The following CNOT1 variants were observed in gnomAD, a reference collection of about 807,000 sequenced individuals.
CNOT1 encodes CCR4-NOT transcription complex subunit 1, also known as CCR4-associated factor 1.
In CNOT1, 15 loss-of-function variants were observed where a neutral mutation model predicts 273.8. That is an observed-to-expected ratio of 0.05 (90% CI 0.04 to 0.08). The LOEUF is 0.08. Among genes scored for constraint, CNOT1 ranks in the 10% least tolerant of loss-of-function variants. The pLI is 1.00. For synonymous variants in CNOT1, 1,022 were observed against 1,005.5 expected (o/e 1.02, Z -0.31); for missense variants, 1,644 against 2,912.2 (o/e 0.56, Z 10.02).
At chr16:58,587,637 T>A in intron 4 of CNOT1, 143 bp downstream of exon 4, 1 of 1,124,366 alleles carries the variant, frequency 8.9e-7, no homozygotes, top group African/African-American at 1.6e-5. Flanking sequence ...ACTGCCTTGA[T>A]TTTGTTACAA....
At chr16:58,539,128 G>C (rs932198931) in intron 35 of CNOT1, among the ~76,000 whole-genome samples, 8 of 151,354 alleles carry the variant, frequency 5.3e-5, no homozygotes, top group African/African-American at 1.9e-4. Flanking sequence ...GTCATAAAAG[G>C]CTCTGCTGTA....
intron 12 of CNOT1, among the ~76,000 whole-genome samples, chr16:58,579,178 G>T (rs370189274): frequency 6.6e-6 from 1 of 152,012 alleles, no homozygotes; most frequent in African/African-American, 2.4e-5. Flanking sequence ...AAAACCATGG[G>T]GATAGAGAAT....
intron 40 of CNOT1, 97 bp from the exon 41 acceptor site, chr16:58,532,492 A>G: frequency 6.6e-7 from 1 of 1,506,836 alleles, no homozygotes; most frequent in Non-Finnish European, 8.9e-7. Flanking sequence ...TAAACCCAAC[A>G]TTAAAGGAAA....
rs1292066835 is a variant in CNOT1, at chr16:58,553,709, A to C, written c.2970+73T>G. The C allele has an allele frequency of 2.7e-6, 4 of 1,493,252 alleles. No individual in the cohort carries two copies. In the African/African-American group the frequency reaches 5.8e-5, roughly 22 times the overall value. 92.5% of individuals were successfully genotyped at this position (1,493,252 alleles called of 1,614,324 possible). ...TTAATGCCATTACTATCAAGTCTAC[A>C]AAAAAAAGCCAAAATATTAAACCCT... On this transcript the variant is annotated intron_variant, in intron 22 of 48. Coordinates refer to ENST00000317147, the MANE Select transcript of CNOT1 (RefSeq NM_016284.5).
Position 58,534,308 on chromosome 16 carries a change from G to A in CNOT1, c.5734C>T (p.Arg1912Cys), listed in dbSNP as rs765229031. The A allele has an allele frequency of 2.5e-6, 4 of 1,613,922 alleles. No individual in the cohort carries two copies. The highest frequency in any genetic ancestry group is 2.2e-5 in the East Asian group (1 of 44,880). ...TTGTGCTGCTGCTCAGCCTGAGCAC[G>A]GTAACTGATTTCAACACACATTTCA... The part of the protein sequence containing the change: ...CTEMCVEISY[R>C]AQAEQQHNPA... Residue 1912 changes from arginine to cysteine, a missense_variant, in exon 40 of 49, where the codon CGT becomes TGT. This residue lies in a region of CNOT1 where 133 missense variants were observed against 328.2 expected (regional missense o/e 0.41). Coordinates refer to ENST00000317147, the MANE Select transcript of CNOT1 (RefSeq NM_016284.5).
chr16:58,545,612 A>ACC, intron 29 of CNOT1, 121 bp from the exon 30 acceptor site: 2 of 1,484,408 alleles, frequency 1.3e-6, no homozygotes, highest in Non-Finnish European at 1.8e-6. Flanking sequence ...GAGAGGAGGG[A>ACC]AGGATGTAGC....
chr16:58,548,349 A>C, intron 25 of CNOT1: 1 of 390,606 alleles, frequency 2.6e-6, no homozygotes, highest in Admixed American at 3.3e-5. Context: ...ACACATGTAT[A>C]TACCCATCTA....
chr16:58,583,325 A>T (rs1322515034), intron 8 of CNOT1, 143 bp from the exon 9 acceptor site: 3 of 1,446,136 alleles, frequency 2.1e-6, no homozygotes, highest in Admixed American at 2.7e-5. Flanking sequence ...TTCTTGTTAC[A>T]TTTATACAGC....
intron 1 of CNOT1, among the ~76,000 whole-genome samples, chr16:58,618,935 G>A (rs891559050): frequency 1.3e-5 from 2 of 152,196 alleles, no homozygotes; most frequent in Admixed American, 6.5e-5. Flanking sequence ...GCTCCCGCCT[G>A]TAATCCCAGC....
At chr16:58,538,105 G>A (rs1051385111) in intron 37 of CNOT1, 45 bp from the exon 38 acceptor site, 1 of 1,613,586 alleles carries the variant, frequency 6.2e-7, no homozygotes, top group Non-Finnish European at 8.5e-7. Context: ...ACACTTAAGA[G>A]CAAACGTACT....
intron 25 of CNOT1, among the ~76,000 whole-genome samples, chr16:58,548,966 T>G (rs1046688861): frequency 6.6e-6 from 1 of 152,188 alleles, no homozygotes; most frequent in Non-Finnish European, 1.5e-5. Flanking sequence ...ACAATGGTTT[T>G]CTACAAGACT....
rs937260780 is a variant in CNOT1 at position 58,547,763 on chromosome 16, T to C, written c.3523-81A>G. ...AACTAAGTATTTGAGAATTCCATTATCCTATCCTAAAGACAAGTCATCATT... is the reference window on the plus strand; with the variant it reads ...AACTAAGTATTTGAGAATTCCATTACCCTATCCTAAAGACAAGTCATCATT... On this transcript the variant is annotated intron_variant, in intron 25 of 48. Transcript: ENST00000317147. The surrounding 1 kb of genome is among the most constrained non-coding windows in gnomAD (Gnocchi z 4.0). 2 of 1,357,700 alleles carry C rather than the reference T, an allele frequency of 1.5e-6. No homozygotes were observed. Among genetic ancestry groups the C allele is most frequent in the Non-Finnish European group, 2.0e-6 (2 of 1,003,102 alleles). The allele number at this position is 1,357,700 out of a possible 1,614,324, so 84.1% of individuals were successfully genotyped here.
At chr16:58,545,237 T>C in intron 30 of CNOT1, 124 bp downstream of exon 30, 1 of 1,463,460 alleles carries the variant, frequency 6.8e-7, no homozygotes, top group East Asian at 2.3e-5. Context: ...ATCTCCATCC[T>C]CTCTGACAAA....
chr16:58,537,849 G>A lies in CNOT1; in HGVS notation c.5414+42C>T, dbSNP rs748998919. ...ATATTCATTCCTAAAGATATTAGAA[G>A]ACTACTAAATGCACAGGGATCTCAA... On this transcript the variant is annotated intron_variant, in intron 38 of 48. Transcript: ENST00000317147. The A allele has an allele frequency of 3.7e-6, 6 of 1,607,376 alleles. No homozygotes were observed. The African/African-American group carries it at 6.7e-5, about 18-fold the overall frequency.
At chr16:58,617,987 C>T (rs35307478) in intron 1 of CNOT1, among the ~76,000 whole-genome samples, 59,163 of 151,978 alleles carry the variant, frequency 0.39, 12,913 homozygotes, top group African/African-American at 0.59. Context: ...GCGTGGGTAA[C>T]AGAGCAAGAC....
At chr16:58,586,090 G>A (rs1026767619) in intron 7 of CNOT1, among the ~76,000 whole-genome samples, 4 of 149,224 alleles carry the variant, frequency 2.7e-5, no homozygotes, top group Admixed American at 2.0e-4. Flanking sequence ...GAGGTGAAGT[G>A]AGCACATCAA....
chr16:58,546,592 C>G, intron 28 of CNOT1, 80 bp downstream of exon 28: 1 of 1,608,594 alleles, frequency 6.2e-7, no homozygotes, highest in South Asian at 1.1e-5. Flanking sequence ...GTACTTCCCC[C>G]GAAATACCCT....
rs914147434 is a variant in CNOT1 at position 58,534,080 on chromosome 16, T to C, written c.5895+67A>G. On this transcript the variant is annotated intron_variant, in intron 40 of 48. Transcript: ENST00000317147. ...AAAGAAACAATATAAAAAATAATAA[T>C]AATAAATAAATAAATAAAACACCCC... 3.6e-5 allele frequency: 46 copies of C among 1,280,666 alleles called. 1 individual carries two copies. The highest frequency in any genetic ancestry group is 4.6e-5 in the Non-Finnish European group (46 of 1,009,960). The allele number at this position is 1,280,666 out of a possible 1,614,324, so 79.3% of individuals were successfully genotyped here.
rs1239642305 is a variant in CNOT1 at position 58,599,237 on chromosome 16, T to C, written c.101A>G (p.His34Arg). The C allele has an allele frequency of 1.2e-6, 2 of 1,614,064 alleles. No homozygotes were observed. Among genetic ancestry groups the C allele is most frequent in the African/African-American group, 1.3e-5 (1 of 74,922 alleles). ...NYRASQQEIQ[H>R]IVNRHGPEAD... ...TTGTTTTCTGGCTAGTTTACTTACA[T>C]GCTGTATTTCCTGCTGGCTGGCTCG... Residue 34 changes from histidine to arginine, a missense_variant and splice_region_variant, in exon 2 of 49, where the codon CAT becomes CGT. Coordinates refer to ENST00000317147, the MANE Select transcript of CNOT1 (RefSeq NM_016284.5).
Sources: gnomAD v4.1 joint callset for allele counts (sites outside exome capture counted in the v4.1 genomes callset) on GRCh38, gnomAD v4.1.1 for gene constraint, gnomAD v4.1.1 regional missense constraint, Gnocchi (gnomAD v3.1) non-coding constraint, MANE v1.5 for transcripts, NCBI Gene and HGNC (gene_info 2026-07-23, HGNC 2026-07-21) for gene names.